ERC1: variants seen among roughly 807,000 people sequenced by gnomAD.
ERC1 encodes RAB6 interacting protein 2.
ERC1 carries 56 observed loss-of-function variants against 132.0 expected under a neutral mutation model. The ratio of observed to expected loss-of-function variants is 0.42; its 90% CI spans 0.34 to 0.53. The LOEUF (loss-of-function observed/expected upper bound fraction) is 0.53, where lower values mean the gene tolerates loss of function less well. ERC1 is among the 20% of genes least tolerant of loss of function. ERC1 has a pLI of 0.03. For synonymous variants in ERC1, 478 were observed against 476.1 expected (o/e 1.00, Z -0.05); for missense variants, 1,202 against 1,349.9 (o/e 0.89, Z 1.72).
chr12:1,477,861 C>T (rs138554859), intron 18 of ERC1, among the ~76,000 whole-genome samples: 9 of 152,338 alleles, frequency 5.9e-5, no homozygotes, highest in Non-Finnish European at 1.0e-4. Context: ...ATACCATACT[C>T]TATTGTGTCT....
chr12:1,097,345 GA>G (rs895307492), intron 3 of ERC1, among the ~76,000 whole-genome samples: 3 of 152,186 alleles, frequency 2.0e-5, no homozygotes, highest in East Asian at 1.9e-4. Flanking sequence ...TTTACTTGGG[GA>G]TTAACTTGAT....
chr12:1,095,930 A>ATT (rs372053389), intron 3 of ERC1, among the ~76,000 whole-genome samples: 4 of 144,654 alleles, frequency 2.8e-5, no homozygotes, highest in African/African-American at 1.0e-4. Context: ...GCAGGGAAGG[A>ATT]TTTTTTTTTT....
At chr12:1,262,753 G>A (rs2077220637) in intron 13 of ERC1, among the ~76,000 whole-genome samples, 1 of 152,154 alleles carries the variant, frequency 6.6e-6, no homozygotes, top group Non-Finnish European at 1.5e-5. Flanking sequence ...TGCCACCTCT[G>A]CTGTCTAACA....
intron 16 of ERC1, among the ~76,000 whole-genome samples, chr12:1,399,424 A>T (rs982819285): frequency 6.6e-6 from 1 of 152,104 alleles, no homozygotes; most frequent in Non-Finnish European, 1.5e-5. Context: ...TCACTACAAT[A>T]CCCTATTTTT....
chr12:1,202,038 A>C (rs991625120), intron 12 of ERC1, among the ~76,000 whole-genome samples: 1 of 152,196 alleles, frequency 6.6e-6, no homozygotes, highest in Non-Finnish European at 1.5e-5. Flanking sequence ...ATACCAGCAT[A>C]TTACAACTGA....
chr12:1,476,549 G>C (rs572546260), intron 18 of ERC1, among the ~76,000 whole-genome samples: 19 of 152,288 alleles, frequency 1.2e-4, no homozygotes, highest in South Asian at 4.1e-4. Context: ...CCAGTTTTTG[G>C]CTTCACTACA....
At chr12:1,469,036 G>C (rs1054705810) in intron 18 of ERC1, among the ~76,000 whole-genome samples, 1 of 152,236 alleles carries the variant, frequency 6.6e-6, no homozygotes, top group Non-Finnish European at 1.5e-5. Context: ...CAAGCAGAGT[G>C]TTTCAGGAAT....
chr12:1,438,954 A>AAAAAAAAAATAT (rs1015181197), intron 17 of ERC1, among the ~76,000 whole-genome samples: 19 of 143,580 alleles, frequency 1.3e-4, no homozygotes, highest in African/African-American at 4.2e-4. Flanking sequence ...TTTAAAAAAA[A>AAAAAAAAAATAT]ATATATATAT....
intron 12 of ERC1, among the ~76,000 whole-genome samples, chr12:1,204,290 C>T (rs1212998587): frequency 6.7e-6 from 1 of 149,678 alleles, no homozygotes; most frequent in Non-Finnish European, 1.5e-5. Context: ...CATTAAAATA[C>T]AATGGTGTAA....
At chr12:1,182,419 A>G (rs1035467891) in intron 10 of ERC1, among the ~76,000 whole-genome samples, 4 of 152,250 alleles carry the variant, frequency 2.6e-5, no homozygotes, top group African/African-American at 2.4e-5. Flanking sequence ...AATTTTATGT[A>G]TAGCAACTAT....
At chr12:1,315,112 C>T (rs765542127) in intron 15 of ERC1, among the ~76,000 whole-genome samples, 13 of 152,072 alleles carry the variant, frequency 8.5e-5, no homozygotes, top group Admixed American at 5.9e-4. Context: ...CTCTGCCTCC[C>T]GGGTTCAAGC....
chr12:1,364,313 A>G (rs1349932302), intron 15 of ERC1, among the ~76,000 whole-genome samples: 2 of 151,952 alleles, frequency 1.3e-5, no homozygotes, highest in Non-Finnish European at 2.9e-5. Context: ...ATTACCTTCA[A>G]CTCAGTCTTT....
chr12:1,235,306 C>T (rs1197657201), intron 12 of ERC1, among the ~76,000 whole-genome samples: 3 of 152,130 alleles, frequency 2.0e-5, no homozygotes, highest in African/African-American at 4.8e-5. Context: ...CTGCAGTGAG[C>T]GGAGATTGTG....
At chr12:1,146,315 T>TTTTTTTGTTG (rs1555269120) in intron 8 of ERC1, among the ~76,000 whole-genome samples, 2 of 138,652 alleles carry the variant, frequency 1.4e-5, no homozygotes, top group African/African-American at 5.8e-5. Flanking sequence ...CTGGTTTTTT[T>TTTTTTTGTTG]TTTTTTTTTT....
At chr12:1,420,841 G>A (rs2092395915) in intron 17 of ERC1, among the ~76,000 whole-genome samples, 1 of 150,348 alleles carries the variant, frequency 6.7e-6, no homozygotes, top group African/African-American at 2.4e-5. Context: ...GAAGAACAGT[G>A]TGTGGAGTGC....
intron 17 of ERC1, among the ~76,000 whole-genome samples, chr12:1,442,748 G>T (rs965327691): frequency 6.6e-6 from 1 of 152,038 alleles, no homozygotes; most frequent in African/African-American, 2.4e-5. Flanking sequence ...CATAGTTTCG[G>T]TCATATATAA....
At chr12:1,377,765 C>T (rs551215921) in intron 16 of ERC1, among the ~76,000 whole-genome samples, 4 of 152,152 alleles carry the variant, frequency 2.6e-5, no homozygotes, top group East Asian at 1.9e-4. Context: ...TATGAAGTTG[C>T]GGTTGAAAAG....
intron 1 of ERC1, among the ~76,000 whole-genome samples, chr12:1,022,280 T>C (rs1423818451): frequency 6.6e-6 from 1 of 152,214 alleles, no homozygotes; most frequent in Non-Finnish European, 1.5e-5. Flanking sequence ...ACCTGAAACA[T>C]TGCAGAAAAC....
At chr12:1,001,853 CTTTTTT>C (rs869097939) in intron 1 of ERC1, among the ~76,000 whole-genome samples, 3,493 of 109,076 alleles carry the variant, frequency 0.032, 46 homozygotes, top group Non-Finnish European at 0.04. Flanking sequence ...CTTGTAAAGT[CTTTTTT>C]TTTTTTTTTT....
Sources: gnomAD v4.1 joint callset for allele counts (sites outside exome capture counted in the v4.1 genomes callset) on GRCh38, gnomAD v4.1.1 for gene constraint, MANE v1.5 for transcripts, NCBI Gene and HGNC (gene_info 2026-07-23, HGNC 2026-07-21) for gene names.